The following OR6M1 variants were observed in gnomAD, a reference collection of about 807,000 sequenced individuals.
OR6M1 encodes the protein olfactory receptor 6M1.
For synonymous variants in OR6M1, 167 were observed against 146.3 expected (o/e 1.14, Z -1.02); for missense variants, 364 against 377.8 (o/e 0.96, Z 0.30).
Position 123,805,943 on chromosome 11 carries a change from C to A in OR6M1, c.407G>T (p.Ser136Ile), listed in dbSNP as rs751873728. 1 of 1,613,600 alleles carries A rather than the reference C, an allele frequency of 6.2e-7. No homozygotes were observed. Among genetic ancestry groups the A allele is most frequent in the African/African-American group, 1.3e-5 (1 of 75,008 alleles). The part of the protein sequence containing the change: ...DPLHYTVIMN[S>I]RACLLLVLGC... Reference sequence around the variant, plus strand: ...CAGAACCAGCAGAAGGCAGGCCCTGCTGTTCATGATGACCGTGTAGTGCAG... The same window carrying A: ...CAGAACCAGCAGAAGGCAGGCCCTGATGTTCATGATGACCGTGTAGTGCAG... The change falls in exon 1 of 1, where the codon AGC becomes ATC. Residue 136 changes from serine to isoleucine, a missense_variant. Ser to Ile is a moderately radical substitution (Grantham distance 142). Coordinates refer to ENST00000309154, the MANE Select transcript of OR6M1 (RefSeq NM_001005325.1).
rs765256520 is a variant in OR6M1 at position 123,806,208 on chromosome 11, A to G, written c.142T>C (p.Trp48Arg). ...GGAGTTTGCAGGCGATGATCAATCC[A>G]TATCAGGGAGATGATGGTGATGTTT... ...TGNITIISLI[W>R]IDHRLQTPMY... Residue 48 changes from tryptophan to arginine, a missense_variant, in exon 1 of 1, where the codon TGG becomes CGG. By Grantham distance (101) the Trp-to-Arg change is moderately radical (BLOSUM62 -3). Coordinates refer to ENST00000309154, the MANE Select transcript of OR6M1 (RefSeq NM_001005325.1). 1.1e-5 allele frequency: 17 copies of G among 1,614,140 alleles called. No individual in the cohort carries two copies. Among genetic ancestry groups the G allele is most frequent in the Admixed American group, 1.7e-5 (1 of 60,012 alleles).
rs1188869725 is a variant in OR6M1 at position 123,806,237 on chromosome 11, G to A, written c.113C>T (p.Thr38Ile). 4 of 1,613,834 alleles carry A rather than the reference G, an allele frequency of 2.5e-6. No homozygotes were observed. Among genetic ancestry groups the A allele is most frequent in the African/African-American group, 1.3e-5 (1 of 74,898 alleles). Reference protein sequence around the residue: ...VLVVTYTLTATGNITIISLIW... With the variant: ...VLVVTYTLTAIGNITIISLIW... ...CAGGGAGATGATGGTGATGTTTCCT[G>A]TTGCTGTTAATGTGTAAGTTACCAC... Residue 38 changes from threonine (T) to isoleucine (I), a missense_variant, in exon 1 of 1, where the codon ACA becomes ATA. By Grantham distance (89) the Thr-to-Ile change is moderately conservative. Coordinates refer to ENST00000309154, the MANE Select transcript of OR6M1 (RefSeq NM_001005325.1).
chr11:123,806,029 C>T lies in OR6M1; in HGVS notation c.321G>A (p.Thr107=), dbSNP rs754705872. The part of the protein sequence containing the change: ...IQTYFYFFLG[T]VEFILLAVMS... ...TCACCGCCAAGAGGATAAACTCCACCGTCCCCAGAAAGAAGTAGAAATATG... is the reference window on the plus strand; with the variant it reads ...TCACCGCCAAGAGGATAAACTCCACTGTCCCCAGAAAGAAGTAGAAATATG... The change falls in exon 1 of 1, where the codon ACG becomes ACA. Residue 107 remains threonine (T), a synonymous_variant. Transcript: ENST00000309154. 21 of 1,613,868 alleles carry T rather than the reference C, an allele frequency of 1.3e-5. No individual in the cohort carries two copies. The highest frequency in any genetic ancestry group is 1.4e-5 in the Non-Finnish European group (17 of 1,179,996).
Position 123,805,801 on chromosome 11 carries a change from C to T in OR6M1, c.549G>A (p.Gln183=). 2 of 1,613,970 alleles carry T rather than the reference C, an allele frequency of 1.2e-6. No individual in the cohort carries two copies. The highest frequency in any genetic ancestry group is 2.7e-5 in the African/African-American group (2 of 74,996). The part of the protein sequence containing the change: ...HFFCDIAPLL[Q]VACINTHLIE... ...TGAGGTGAGTATTTATACAGGCCACCTGAAGAAGAGGGGCAATGTCACAGA... is the reference window on the plus strand; with the variant it reads ...TGAGGTGAGTATTTATACAGGCCACTTGAAGAAGAGGGGCAATGTCACAGA... Residue 183 remains glutamine, a synonymous_variant, in exon 1 of 1, where the codon CAG becomes CAA. Coordinates refer to ENST00000309154, the MANE Select transcript of OR6M1 (RefSeq NM_001005325.1).
chr11:123,805,569 G>T lies in OR6M1; in HGVS notation c.781C>A (p.Gln261Lys). 1 of 1,614,028 alleles carries T rather than the reference G, an allele frequency of 6.2e-7. No individual in the cohort carries two copies. Among genetic ancestry groups the T allele is most frequent in the Non-Finnish European group, 8.5e-7 (1 of 1,179,992 alleles). ...SNIFVYVRPNQNSSLDYDKVA... is the reference protein window; with the variant it reads ...SNIFVYVRPNKNSSLDYDKVA... Reference sequence around the variant, plus strand: ...TTGTCATAATCCAGTGAGGAGTTCTGATTGGGTCTCACATACACAAAGATG... The same window carrying T: ...TTGTCATAATCCAGTGAGGAGTTCTTATTGGGTCTCACATACACAAAGATG... The change falls in exon 1 of 1, where the codon CAG becomes AAG. Residue 261 changes from glutamine (Q) to lysine (K), a missense_variant. Gln to Lys is a moderately conservative substitution (Grantham distance 53). Coordinates refer to ENST00000309154, the MANE Select transcript of OR6M1 (RefSeq NM_001005325.1).
rs7952150 is a variant in OR6M1 at position 123,805,705 on chromosome 11, G to A, written c.645C>T (p.Tyr215=). The A allele has an allele frequency of 0.18, 282,587 of 1,613,548 alleles. 26,307 individuals are homozygous for A. Among genetic ancestry groups the A allele is most frequent in the African/African-American group, 0.28 (21,211 of 74,924 alleles). Residue 215 remains tyrosine (Y), a synonymous_variant, in exon 1 of 1, where the codon TAC becomes TAT. Coordinates refer to ENST00000309154, the MANE Select transcript of OR6M1 (RefSeq NM_001005325.1). ...LSSLAFTTGS[Y]VYIISTILRI... is the part of the protein sequence containing the mutation. Reference sequence around the variant, plus strand: ...GCAGGATGGTAGAAATTATGTACACGTAGGACCCAGTAGTGAATGCCAGGG... The same window carrying A: ...GCAGGATGGTAGAAATTATGTACACATAGGACCCAGTAGTGAATGCCAGGG...
At position 123,805,474 on chromosome 11, in the gene OR6M1, C is replaced by T; in HGVS notation, c.876G>A (p.Glu292=). ...LNPFIYSLRN[E]KVQEVLRETV... is the part of the protein sequence containing the mutation. ...TCTCTCTCAACACTTCCTGTACCTT[C>T]TCATTCCTCAAGCTGTAGATAAAAG... The change falls in exon 1 of 1, where the codon GAG becomes GAA. Residue 292 remains glutamate (E), a synonymous_variant. Transcript: ENST00000309154. 1 of 1,614,006 alleles carries T rather than the reference C, an allele frequency of 6.2e-7. No homozygotes were observed. The highest frequency in any genetic ancestry group is 8.5e-7 in the Non-Finnish European group (1 of 1,179,932).
At position 123,806,147 on chromosome 11, in the gene OR6M1, TCC is replaced by T; in HGVS notation, c.201_202del (p.Asp68TyrfsTer51). The T allele has an allele frequency of 6.2e-7, 1 of 1,614,032 alleles. No individual in the cohort carries two copies. The highest frequency in any genetic ancestry group is 8.5e-7 in the Non-Finnish European group (1 of 1,179,972). On this transcript the variant is annotated frameshift_variant, in exon 1 of 1. Transcript: ENST00000309154. LOFTEE classifies it low-confidence loss of function (END_TRUNC). ...GGTAATGACAGTGGTGTATAAGATA[TCC>T]AGAAAGGACAAATTACTGAGGAAGA...
At position 123,806,100 on chromosome 11, in the gene OR6M1, G is replaced by A. The variant is rs147909339; in HGVS notation, c.250C>T (p.Leu84=). The change falls in exon 1 of 1, where the codon CTA becomes TTA. Residue 84 remains leucine (L), a synonymous_variant. Coordinates refer to ENST00000309154, the MANE Select transcript of OR6M1 (RefSeq NM_001005325.1). ...AAAGATATGGTTTTCTCTTCTCCTA[G>A]GAGGCAGGCCAACAACTTTGGGGTA... The part of the protein sequence containing the change: ...VITPKLLACL[L]GEEKTISFAG... 22 of 1,614,000 alleles carry A rather than the reference G, an allele frequency of 1.4e-5. No homozygotes were observed. In the African/African-American group the frequency reaches 1.6e-4, roughly 12 times the overall value.
At position 123,805,788 on chromosome 11, in the gene OR6M1, T is replaced by G; in HGVS notation, c.562A>C (p.Asn188His). The change falls in exon 1 of 1, where the codon AAT (asparagine) becomes CAT (histidine). Residue 188 changes from asparagine (N) to histidine (H), a missense_variant. Transcript: ENST00000309154. ...TTTATCTTCTCAATGAGGTGAGTAT[T>G]TATACAGGCCACCTGAAGAAGAGGG... ...IAPLLQVACI[N>H]THLIEKINFL... 1.9e-6 allele frequency: 3 copies of G among 1,613,982 alleles called. No homozygotes were observed. Among genetic ancestry groups the G allele is most frequent in the Non-Finnish European group, 2.5e-6 (3 of 1,179,970 alleles).
At position 123,805,828 on chromosome 11, in the gene OR6M1, G is replaced by A. The variant is rs141670886; in HGVS notation, c.522C>T (p.Phe174=). The part of the protein sequence containing the change: ...LPYCRKEINH[F]FCDIAPLLQV... ...GAAGAAGAGGGGCAATGTCACAGAA[G>A]AAATGATTAATTTCTTTCCTACAGT... The change falls in exon 1 of 1, where the codon TTC becomes TTT. Residue 174 remains phenylalanine (F), a synonymous_variant. Transcript: ENST00000309154. The A allele has an allele frequency of 3.1e-6, 5 of 1,613,886 alleles. No homozygotes were observed. The African/African-American group carries it at 5.3e-5, about 17-fold the overall frequency.
In OR6M1 at chr11:123,805,790, A is replaced by G; in HGVS notation, c.560T>C (p.Ile187Thr). The part of the protein sequence containing the change: ...DIAPLLQVAC[I>T]NTHLIEKINF... ...TATCTTCTCAATGAGGTGAGTATTT[A>G]TACAGGCCACCTGAAGAAGAGGGGC... Residue 187 changes from isoleucine to threonine, a missense_variant, in exon 1 of 1, where the codon ATA becomes ACA. Ile to Thr is a moderately conservative substitution (Grantham distance 89). Transcript: ENST00000309154. The G allele has an allele frequency of 6.2e-7, 1 of 1,614,070 alleles. No individual in the cohort carries two copies. The highest frequency in any genetic ancestry group is 8.5e-7 in the Non-Finnish European group (1 of 1,179,982).
Position 123,805,806 on chromosome 11 carries a change from G to C in OR6M1, c.544C>G (p.Leu182Val), listed in dbSNP as rs749212823. The change falls in exon 1 of 1, where the codon CTT (leucine) becomes GTT (valine). Residue 182 changes from leucine to valine, a missense_variant. Coordinates refer to ENST00000309154, the MANE Select transcript of OR6M1 (RefSeq NM_001005325.1). ...TGAGTATTTATACAGGCCACCTGAA[G>C]AAGAGGGGCAATGTCACAGAAGAAA... ...NHFFCDIAPL[L>V]QVACINTHLI... 1 of 1,614,028 alleles carries C rather than the reference G, an allele frequency of 6.2e-7. No homozygotes were observed.
In OR6M1 at chr11:123,805,556, A is replaced by C; in HGVS notation, c.794T>G (p.Leu265Arg). 2 of 1,613,976 alleles carry C rather than the reference A, an allele frequency of 1.2e-6. No homozygotes were observed. The highest frequency in any genetic ancestry group is 1.7e-6 in the Non-Finnish European group (2 of 1,179,960). ...GACAGCGGCCACCTTGTCATAATCC[A>C]GTGAGGAGTTCTGATTGGGTCTCAC... is the stretch of plus-strand genomic sequence containing the variant. ...VYVRPNQNSS[L>R]DYDKVAAVLI... The change falls in exon 1 of 1, where the codon CTG (leucine) becomes CGG (arginine). Residue 265 changes from leucine (L) to arginine (R), a missense_variant. By Grantham distance (102) the Leu-to-Arg change is moderately radical. Coordinates refer to ENST00000309154, the MANE Select transcript of OR6M1 (RefSeq NM_001005325.1).
Position 123,806,079 on chromosome 11 carries a change from A to C in OR6M1, c.271T>G (p.Ser91Ala). The change falls in exon 1 of 1, where the codon TCT (serine) becomes GCT (alanine). Residue 91 changes from serine (S) to alanine (A), a missense_variant. Coordinates refer to ENST00000309154, the MANE Select transcript of OR6M1 (RefSeq NM_001005325.1). ...GTTTGGATCATGCAACCAGCAAAAG[A>C]TATGGTTTTCTCTTCTCCTAGGAGG... ...ACLLGEEKTI[S>A]FAGCMIQTYF... 1.2e-6 allele frequency: 2 copies of C among 1,614,128 alleles called. No homozygotes were observed. Among genetic ancestry groups the C allele is most frequent in the Non-Finnish European group, 1.7e-6 (2 of 1,180,022 alleles).
At position 123,805,523 on chromosome 11, in the gene OR6M1, G is replaced by T. The variant is rs4936845; in HGVS notation, c.827C>A (p.Thr276Lys). 0.29 allele frequency: 470,098 copies of T among 1,613,622 alleles called. 70,188 individuals carry two copies. The highest frequency in any genetic ancestry group is 0.32 in the Admixed American group (19,022 of 59,978). ...DYDKVAAVLI[T>K]VVTPLLNPFI... ...AGGGTTCAGGAGAGGGGTCACCACTGTGATGAGGACAGCGGCCACCTTGTC... is the reference window on the plus strand; with the variant it reads ...AGGGTTCAGGAGAGGGGTCACCACTTTGATGAGGACAGCGGCCACCTTGTC... The change falls in exon 1 of 1, where the codon ACA becomes AAA. Residue 276 changes from threonine to lysine, a missense_variant. Transcript: ENST00000309154.
In OR6M1 at chr11:123,806,240, G is replaced by A. The variant is rs556373337; in HGVS notation, c.110C>T (p.Ala37Val). The change falls in exon 1 of 1, where the codon GCA becomes GTA. Residue 37 changes from alanine (A) to valine (V), a missense_variant. By Grantham distance (64) the Ala-to-Val change is moderately conservative. Coordinates refer to ENST00000309154, the MANE Select transcript of OR6M1 (RefSeq NM_001005325.1). Reference sequence around the variant, plus strand: ...GGAGATGATGGTGATGTTTCCTGTTGCTGTTAATGTGTAAGTTACCACAAG... The same window carrying A: ...GGAGATGATGGTGATGTTTCCTGTTACTGTTAATGTGTAAGTTACCACAAG... The part of the protein sequence containing the change: ...VVLVVTYTLT[A>V]TGNITIISLI... The A allele has an allele frequency of 9.9e-6, 16 of 1,613,838 alleles. No individual in the cohort carries two copies. The Admixed American group carries it at 1.2e-4, about 12-fold the overall frequency.
In OR6M1 at chr11:123,805,677, T is replaced by C. The variant is rs779025015; in HGVS notation, c.673A>G (p.Ile225Val). The C allele has an allele frequency of 8.7e-6, 14 of 1,613,870 alleles. No individual in the cohort carries two copies. Among genetic ancestry groups the C allele is most frequent in the Non-Finnish European group, 1.0e-5 (12 of 1,179,972 alleles). Residue 225 changes from isoleucine (I) to valine (V), a missense_variant, in exon 1 of 1, where the codon ATC becomes GTC. By Grantham distance (29) the Ile-to-Val change is conservative. Transcript: ENST00000309154. Reference protein sequence around the residue: ...YVYIISTILRIPSTQGRQKAF... With the variant: ...YVYIISTILRVPSTQGRQKAF... ...TTCTGACGGCCCTGGGTGGAGGGGATACGCAGGATGGTAGAAATTATGTAC... is the reference window on the plus strand; with the variant it reads ...TTCTGACGGCCCTGGGTGGAGGGGACACGCAGGATGGTAGAAATTATGTAC...
Position 123,806,106 on chromosome 11 carries a change from A to G in OR6M1, c.244T>C (p.Cys82Arg). 1 of 1,614,174 alleles carries G rather than the reference A, an allele frequency of 6.2e-7. No individual in the cohort carries two copies. The change falls in exon 1 of 1, where the codon TGC becomes CGC. Residue 82 changes from cysteine to arginine, a missense_variant. Transcript: ENST00000309154. Reference sequence around the variant, plus strand: ...ATGGTTTTCTCTTCTCCTAGGAGGCAGGCCAACAACTTTGGGGTAATGACA... The same window carrying G: ...ATGGTTTTCTCTTCTCCTAGGAGGCGGGCCAACAACTTTGGGGTAATGACA... The part of the protein sequence containing the change: ...TTVITPKLLA[C>R]LLGEEKTISF...
Sources: allele counts gnomAD v4.1 joint callset, GRCh38; gene constraint gnomAD v4.1.1; transcripts MANE v1.5; gene names NCBI Gene and HGNC (gene_info 2026-07-23, HGNC 2026-07-21).